The following ACVR2A variants were observed in gnomAD, a reference collection of about 807,000 sequenced individuals.
ACVR2A encodes the protein activin A receptor type 2A, also known as activin receptor type-2A.
A neutral mutation model predicts 61.4 loss-of-function variants in ACVR2A; 7 were observed. The observed-to-expected ratio is 0.11, with a 90% confidence interval of 0.06 to 0.21. The LOEUF (loss-of-function observed/expected upper bound fraction) is 0.21, where lower values mean the gene tolerates loss of function less well. Among genes scored for constraint, ACVR2A ranks in the 10% least tolerant of loss-of-function variants. The pLI, the probability that ACVR2A is intolerant of heterozygous loss-of-function variation, is 1.00. For missense variants in ACVR2A, 322 were observed against 621.7 expected (o/e 0.52, Z 5.13); for synonymous variants, 193 against 208.3 (o/e 0.93, Z 0.63).
At chr2:147,868,054 T>A (rs540513242) in intron 1 of ACVR2A, among the ~76,000 whole-genome samples, 1 of 152,330 alleles carries the variant, frequency 6.6e-6, no homozygotes, top group South Asian at 2.1e-4. Context: ...TTTTCTCTAC[T>A]TCTCTCTCTT....
At chr2:147,873,488 T>C (rs1462263359) in intron 1 of ACVR2A, among the ~76,000 whole-genome samples, 1 of 151,938 alleles carries the variant, frequency 6.6e-6, no homozygotes, top group East Asian at 1.9e-4. Flanking sequence ...GGACTCTAAC[T>C]ATACATGGCT....
intron 1 of ACVR2A, among the ~76,000 whole-genome samples, chr2:147,881,602 AGTGTGT>A (rs145075375): frequency 4.4e-3 from 357 of 81,482 alleles, no homozygotes; most frequent in South Asian, 0.016. Context: ...GAAGCTGCTT[AGTGTGT>A]GTGTGTGTGT....
At chr2:147,851,277 A>G (rs1391176186) in intron 1 of ACVR2A, among the ~76,000 whole-genome samples, 1 of 152,062 alleles carries the variant, frequency 6.6e-6, no homozygotes, top group Non-Finnish European at 1.5e-5. Context: ...ACCTCTTGGT[A>G]TTGGTTAAGA....
At chr2:147,898,308 TAAAA>T (rs1453795774) in intron 2 of ACVR2A, 1 of 152,102 alleles carries the variant, frequency 6.6e-6, no homozygotes, top group Admixed American at 6.6e-5. Context: ...AAGAAAATGA[TAAAA>T]GAAGAATGAA....
upstream of ACVR2A, chr2:147,844,975 CTTT>C: frequency 7.9e-6 from 1 of 126,924 alleles, no homozygotes; most frequent in African/African-American, 4.8e-5. Context: ...TCTTTTTTTT[CTTT>C]TTTTTTTTTA....
intron 7 of ACVR2A, among the ~76,000 whole-genome samples, chr2:147,919,432 A>T (rs1037468200): frequency 1.3e-5 from 2 of 152,138 alleles, no homozygotes; most frequent in African/African-American, 4.8e-5. Context: ...AAGGACCCCC[A>T]AAGTTATTAA....
intron 4 of ACVR2A, among the ~76,000 whole-genome samples, chr2:147,914,555 G>T (rs1415343412): frequency 1.3e-5 from 2 of 151,836 alleles, no homozygotes; most frequent in Admixed American, 1.3e-4. Flanking sequence ...GAACACAAAT[G>T]ATTTTTTATC....
In ACVR2A at chr2:147,930,372, TAAAG is replaced by T. The variant is rs1335873868; in HGVS notation, c.*3105_*3108del. 8 of 138,450 alleles carry T rather than the reference TAAAG, an allele frequency of 5.8e-5. No individual in the cohort carries two copies. The highest frequency in any genetic ancestry group is 4.4e-4 in the Admixed American group (6 of 13,714). 8.6% of individuals were successfully genotyped at this position (138,450 alleles called of 1,614,324 possible). A position where few individuals can be genotyped will look rare whatever the true frequency, so the allele number is the denominator to read the frequency against. On this transcript the variant is annotated 3_prime_UTR_variant, in exon 11 of 11. Coordinates refer to ENST00000241416, the MANE Select transcript of ACVR2A (RefSeq NM_001616.5). The stretch of plus-strand genomic sequence containing the variant: ...GTTTTTTTGTTTTTTTTTTTTTTTT[TAAAG>T]AAAGAAGCTTCATCACAGATACTTT...
chr2:147,891,162 A>G (rs1219269970), intron 1 of ACVR2A, among the ~76,000 whole-genome samples: 1 of 152,168 alleles, frequency 6.6e-6, no homozygotes, highest in Non-Finnish European at 1.5e-5. Flanking sequence ...ATAGTGCCCT[A>G]GGCAGCCATT....
At chr2:147,853,032 C>A (rs1380216883) in intron 1 of ACVR2A, among the ~76,000 whole-genome samples, 4 of 151,964 alleles carry the variant, frequency 2.6e-5, no homozygotes, top group Admixed American at 6.6e-5. Context: ...GTCCCAAATA[C>A]CCCATATGTG....
intron 1 of ACVR2A, among the ~76,000 whole-genome samples, chr2:147,889,022 A>G (rs1227303): frequency 1 from 151,436 of 152,020 alleles, 75,431 homozygotes; most frequent in Middle Eastern, 1. Context: ...ATTGTGAATA[A>G]TATTCAATTT....
At chr2:147,921,314 C>G (rs1469471156) in intron 8 of ACVR2A, among the ~76,000 whole-genome samples, 1 of 152,092 alleles carries the variant, frequency 6.6e-6, no homozygotes, top group African/African-American at 2.4e-5. Context: ...GGATTATAGG[C>G]GTGAGCCACC....
At chr2:147,883,614 A>G (rs1686363491) in intron 1 of ACVR2A, among the ~76,000 whole-genome samples, 1 of 152,186 alleles carries the variant, frequency 6.6e-6, no homozygotes, top group Admixed American at 6.6e-5. Context: ...GTTATGAAAA[A>G]AACTGTTGGT....
intron 6 of ACVR2A, among the ~76,000 whole-genome samples, chr2:147,917,736 CCATTTA>C (rs1687282705): frequency 6.6e-6 from 1 of 151,838 alleles, no homozygotes. Flanking sequence ...TTTTCATTTA[CCATTTA>C]CAATTCATTT....
chr2:147,867,970 G>C lies in ACVR2A; in HGVS notation c.55+22763G>C, dbSNP rs1315872059. ...CTCTATCTCACCTCTTCCCTAGCAA[G>C]TTGTTAGGTGCTTCTTTCTGTGTTC... On this transcript the variant is annotated intron_variant, in intron 1 of 10. Coordinates refer to ENST00000241416, the MANE Select transcript of ACVR2A (RefSeq NM_001616.5). Among the ~76,000 whole-genome samples, 4 of 152,142 alleles carry C rather than the reference G, an allele frequency of 2.6e-5. No individual in the cohort carries two copies. The South Asian group carries it at 8.3e-4, about 32-fold the overall frequency.
chr2:147,853,318 G>A (rs1685491951), intron 1 of ACVR2A, among the ~76,000 whole-genome samples: 1 of 152,062 alleles, frequency 6.6e-6, no homozygotes, highest in South Asian at 2.1e-4. Flanking sequence ...TCTAGTTAAA[G>A]AATTCTAAAC....
chr2:147,921,743 ATTC>A (rs1345464741), intron 8 of ACVR2A, among the ~76,000 whole-genome samples: 1 of 152,142 alleles, frequency 6.6e-6, no homozygotes, highest in Non-Finnish European at 1.5e-5. Flanking sequence ...CTGGGAACAT[ATTC>A]TTAATTTGGT....
At chr2:147,849,324 G>T (rs1685393335) in intron 1 of ACVR2A, among the ~76,000 whole-genome samples, 1 of 152,044 alleles carries the variant, frequency 6.6e-6, no homozygotes, top group African/African-American at 2.4e-5. Flanking sequence ...CGGTATTCGT[G>T]TGTGTGTGTA....
At chr2:147,908,016 GT>G (rs1412948677) in intron 4 of ACVR2A, among the ~76,000 whole-genome samples, 2 of 145,218 alleles carry the variant, frequency 1.4e-5, no homozygotes, top group Non-Finnish European at 3.0e-5. Flanking sequence ...TCTAGCCTGG[GT>G]GACAGAGCAA....
Sources: gnomAD v4.1 joint callset for allele counts (sites outside exome capture counted in the v4.1 genomes callset) on GRCh38, gnomAD v4.1.1 for gene constraint, MANE v1.5 for transcripts, NCBI Gene and HGNC (gene_info 2026-07-23, HGNC 2026-07-21) for gene names.